NAV2: variants seen among roughly 807,000 people sequenced by gnomAD.
NAV2 encodes the protein helicase, APC down-regulated 1.
NAV2 carries 54 observed loss-of-function variants against 223.2 expected under a neutral mutation model. That is an observed-to-expected ratio of 0.24 (90% CI 0.19 to 0.30). NAV2 has a LOEUF of 0.30. NAV2 is among the 10% of genes least tolerant of loss of function. The probability of loss-of-function intolerance (pLI) is 1.00; values close to 1 mark genes in which losing one functional copy is unlikely to be tolerated. For missense variants in NAV2, 2,806 were observed against 3,147.5 expected (o/e 0.89, Z 2.60); for synonymous variants, 1,279 against 1,239.3 (o/e 1.03, Z -0.67).
chr11:19,787,593 A>G (rs927305632), intron 1 of NAV2, among the ~76,000 whole-genome samples: 1 of 152,176 alleles, frequency 6.6e-6, no homozygotes, highest in African/African-American at 2.4e-5. Context: ...CCATTTCTCT[A>G]TCTGGAAGAT....
At chr11:19,661,146 G>A (rs773833952) in intron 1 of NAV2, among the ~76,000 whole-genome samples, 13 of 152,066 alleles carry the variant, frequency 8.5e-5, no homozygotes, top group Non-Finnish European at 1.3e-4. Context: ...TCAGCTTTCT[G>A]TCTGTATGAA....
At chr11:19,757,565 G>A (rs1050393476) in intron 1 of NAV2, among the ~76,000 whole-genome samples, 1 of 152,160 alleles carries the variant, frequency 6.6e-6, no homozygotes, top group Non-Finnish European at 1.5e-5. Context: ...AAAGTAGAGT[G>A]GGTAATTCCT....
At chr11:20,033,988 T>C (rs1200619112) in intron 11 of NAV2, among the ~76,000 whole-genome samples, 10 of 152,216 alleles carry the variant, frequency 6.6e-5, no homozygotes, top group Non-Finnish European at 2.9e-5. Context: ...CACTCCTGGC[T>C]GAGCGGCCTT....
intron 1 of NAV2, among the ~76,000 whole-genome samples, chr11:19,618,412 G>GAATGAATA (rs1381974265): frequency 7.0e-6 from 1 of 143,532 alleles, no homozygotes; most frequent in African/African-American, 2.6e-5. Flanking sequence ...ATGGATGGAT[G>GAATGAATA]GATGGATGGA....
At chr11:19,406,812 T>C (rs190664926) in intron 1 of NAV2, among the ~76,000 whole-genome samples, 7 of 152,322 alleles carry the variant, frequency 4.6e-5, no homozygotes, top group Admixed American at 2.6e-4. Flanking sequence ...ATATTCATGA[T>C]AGTTTAAGGA....
intron 36 of NAV2, among the ~76,000 whole-genome samples, chr11:20,110,325 CTG>C (rs2062512830): frequency 6.6e-6 from 1 of 152,196 alleles, no homozygotes; most frequent in African/African-American, 2.4e-5. Context: ...GCCCAGGAGA[CTG>C]TATAGACTGC....
At chr11:19,890,144 G>T (rs777011434) in intron 5 of NAV2, among the ~76,000 whole-genome samples, 2 of 152,168 alleles carry the variant, frequency 1.3e-5, no homozygotes, top group Non-Finnish European at 2.9e-5. Flanking sequence ...TAACTATTGG[G>T]TATAACTGTA....
chr11:19,472,457 T>G (rs1405386344), intron 1 of NAV2, among the ~76,000 whole-genome samples: 1 of 152,190 alleles, frequency 6.6e-6, no homozygotes, highest in African/African-American at 2.4e-5. Context: ...AGATGTATCA[T>G]GTAAATATAA....
rs527457775 is a variant in NAV2, at chr11:19,570,505, A to T, written c.75+219478A>T. On this transcript the variant is annotated intron_variant, in intron 1 of 37. Coordinates refer to the NAV2 transcript ENST00000360655. ...TTTCTACACCAAATGACAGCTTCAGACTTGGAGAAAATATTTGCAAATCAT... is the reference window on the plus strand; with the variant it reads ...TTTCTACACCAAATGACAGCTTCAGTCTTGGAGAAAATATTTGCAAATCAT... Among the ~76,000 whole-genome samples the T allele has an allele frequency of 9.2e-5, 14 of 152,354 alleles. No homozygotes were observed. The South Asian group carries it at 2.9e-3, about 32-fold the overall frequency.
At chr11:19,751,885 T>G (rs555722093) in intron 1 of NAV2, among the ~76,000 whole-genome samples, 2 of 152,126 alleles carry the variant, frequency 1.3e-5, no homozygotes, top group South Asian at 4.1e-4. Flanking sequence ...CCACCTTTCT[T>G]AGACTTGACC....
At chr11:20,114,962 T>C (rs1201250026) in intron 37 of NAV2, among the ~76,000 whole-genome samples, 167 bp downstream of exon 37, 1 of 152,230 alleles carries the variant, frequency 6.6e-6, no homozygotes, top group East Asian at 1.9e-4. Flanking sequence ...TCCATGGTTT[T>C]AGTTTTTCAC....
chr11:19,482,363 C>T (rs749898684), intron 1 of NAV2, among the ~76,000 whole-genome samples: 13 of 152,172 alleles, frequency 8.5e-5, no homozygotes, highest in Non-Finnish European at 1.5e-4. Context: ...AATTAGTCTC[C>T]TGTTACCTGA....
intron 1 of NAV2, among the ~76,000 whole-genome samples, chr11:19,620,534 C>T (rs1407541047): frequency 6.6e-6 from 1 of 152,068 alleles, no homozygotes; most frequent in Admixed American, 6.6e-5. Flanking sequence ...TGTGAATGGG[C>T]ATTCACTCAT....
chr11:19,493,990 G>T (rs1473947208), intron 1 of NAV2, among the ~76,000 whole-genome samples: 1 of 152,212 alleles, frequency 6.6e-6, no homozygotes, highest in Non-Finnish European at 1.5e-5. Context: ...CCTCTGGCTG[G>T]ATCTGTAGCT....
chr11:19,944,675 T>G (rs970139381), intron 8 of NAV2, among the ~76,000 whole-genome samples: 5 of 151,154 alleles, frequency 3.3e-5, no homozygotes, highest in Admixed American at 2.6e-4. Flanking sequence ...TTCTCTTTTC[T>G]TCTCTTCTCT....
At chr11:19,486,038 C>T (rs1360859155) in intron 1 of NAV2, among the ~76,000 whole-genome samples, 4 of 152,132 alleles carry the variant, frequency 2.6e-5, no homozygotes, top group Non-Finnish European at 5.9e-5. Flanking sequence ...GAGGTTTGTT[C>T]CTCTCAATAG....
chr11:20,090,305 A>G (rs1042814193), intron 26 of NAV2, among the ~76,000 whole-genome samples: 1 of 152,142 alleles, frequency 6.6e-6, no homozygotes, highest in East Asian at 1.9e-4. Flanking sequence ...CTGTGTACAC[A>G]TGGTGGGGGA....
intron 1 of NAV2, among the ~76,000 whole-genome samples, chr11:19,771,754 G>A (rs537705670): frequency 3.3e-5 from 5 of 152,204 alleles, no homozygotes; most frequent in Admixed American, 3.3e-4. Context: ...AAAGGGAAGA[G>A]AGGAAGGAGA....
At chr11:19,378,974 G>A (rs57980938) in intron 1 of NAV2, among the ~76,000 whole-genome samples, 2,908 of 152,258 alleles carry the variant, frequency 0.019, 98 homozygotes, top group African/African-American at 0.061. Flanking sequence ...CCCTGGCTTC[G>A]TCCCTCACTC....
Sources: gnomAD v4.1 joint callset for allele counts (sites outside exome capture counted in the v4.1 genomes callset) on GRCh38, gnomAD v4.1.1 for gene constraint, MANE v1.5 for transcripts, NCBI Gene and HGNC (gene_info 2026-07-23, HGNC 2026-07-21) for gene names.